Variants in RBM19 observed in about 807,000 individuals in gnomAD.
RBM19 encodes the protein RNA binding motif protein 19, also known as probable RNA-binding protein 19.
A neutral mutation model predicts 116.8 loss-of-function variants in RBM19; 94 were observed. That is an observed-to-expected ratio of 0.80 (90% CI 0.68 to 0.95). The LOEUF is 0.95. RBM19 is among the 40% of genes least tolerant of loss of function. The pLI is 0.00. For missense variants in RBM19, 1,161 were observed against 1,220.7 expected, an observed-to-expected ratio of 0.95 and a Z score of 0.73; for synonymous variants, 475 against 494.1, an observed-to-expected ratio of 0.96 and a Z score of 0.51.
rs556132560 is a variant in RBM19 at position 113,890,248 on chromosome 12, T to C, written c.2558+24721A>G. 5.5e-3 allele frequency among the ~76,000 whole-genome samples: 844 copies of C among 152,376 alleles called. 8 individuals carry two copies. Among genetic ancestry groups the C allele is most frequent in the African/African-American group, 0.019 (804 of 41,586 alleles). ...CTAATGATTCTGGGGCTGCCGGAGC[T>C]GAGCCAGGCTGGCTCTGGGCCGTGA... On this transcript the variant is annotated intron_variant, in intron 21 of 23. Transcript: ENST00000261741.
chr12:113,819,826 C>T (rs1874298593), downstream of RBM19, among the ~76,000 whole-genome samples: 2 of 152,336 alleles, frequency 1.3e-5, no homozygotes, highest in South Asian at 2.1e-4. Flanking sequence ...CTGGGCCAGG[C>T]AAATGACTTT....
chr12:113,936,283 G>T (rs1238403711), intron 16 of RBM19, among the ~76,000 whole-genome samples: 2 of 152,168 alleles, frequency 1.3e-5, no homozygotes, highest in Non-Finnish European at 2.9e-5. Context: ...GAATGACCAT[G>T]GTCCTGTTGG....
At chr12:113,895,008 T>C (rs935181339) in intron 21 of RBM19, among the ~76,000 whole-genome samples, 2 of 152,210 alleles carry the variant, frequency 1.3e-5, no homozygotes, top group Non-Finnish European at 2.9e-5. Flanking sequence ...GAGAACCACT[T>C]AGGCCAGCAG....
At chr12:113,868,336 A>T (rs947560492) in intron 21 of RBM19, among the ~76,000 whole-genome samples, 1 of 152,334 alleles carries the variant, frequency 6.6e-6, no homozygotes, top group Admixed American at 6.5e-5. Context: ...TGAAGGGGGA[A>T]CCCTGTCTGC....
intron 23 of RBM19, among the ~76,000 whole-genome samples, chr12:113,839,779 A>G (rs1206441091): frequency 6.6e-6 from 1 of 152,234 alleles, no homozygotes; most frequent in Non-Finnish European, 1.5e-5. Flanking sequence ...ATGAGAAAAC[A>G]GAAGCTCACA....
chr12:113,928,791 C>G (rs10850239), intron 16 of RBM19, among the ~76,000 whole-genome samples: 101,770 of 151,726 alleles, frequency 0.67, 34,958 homozygotes, highest in East Asian at 0.98. Flanking sequence ...ATGATCTTTT[C>G]AGAAATCTTA....
rs138881827 is a variant in RBM19 at position 113,926,496 on chromosome 12, C to T, written c.2244+558G>A. Among the ~76,000 whole-genome samples the T allele has an allele frequency of 8.8e-3, 1,333 of 152,302 alleles. 6 individuals carry two copies. Among genetic ancestry groups the T allele is most frequent in the South Asian group, 0.014 (69 of 4,824 alleles). ...CCCACTCCTTTGGAACTGGAGGCCC[C>T]GTTGTTTCCTGATCGCTGGTCCACT... is the stretch of plus-strand genomic sequence containing the variant. On this transcript the variant is annotated intron_variant, in intron 17 of 23. Coordinates refer to ENST00000261741, the MANE Select transcript of RBM19 (RefSeq NM_016196.4).
chr12:113,933,508 C>CACA (rs1869797320), intron 16 of RBM19, among the ~76,000 whole-genome samples: 1 of 150,982 alleles, frequency 6.6e-6, no homozygotes, highest in African/African-American at 2.5e-5. Flanking sequence ...CACAGACACG[C>CACA]ACAACTTCCC....
At chr12:113,907,864 T>C (rs1243562705) in intron 21 of RBM19, among the ~76,000 whole-genome samples, 4 of 152,086 alleles carry the variant, frequency 2.6e-5, no homozygotes, top group African/African-American at 9.7e-5. Flanking sequence ...ATGGATGAGG[T>C]TGCAAGCTCT....
chr12:113,927,226 G>C lies in RBM19; in HGVS notation c.2072C>G (p.Pro691Arg). 6.4e-7 allele frequency: 1 copy of C among 1,555,474 alleles called. No homozygotes were observed. Among genetic ancestry groups the C allele is most frequent in the Middle Eastern group, 1.7e-4 (1 of 5,986 alleles). Residue 691 changes from proline to arginine, a missense_variant, in exon 17 of 24, where the codon CCT (proline) becomes CGT (arginine). Coordinates refer to ENST00000261741, the MANE Select transcript of RBM19 (RefSeq NM_016196.4). Reference protein sequence around the residue: ...EKDPAEPETVPDGETPEDENP... With the variant: ...EKDPAEPETVRDGETPEDENP... The stretch of plus-strand genomic sequence containing the variant: ...TTCATCTTCTGGGGTTTCGCCATCA[G>C]GCACTGAACCCCCATCAAAACAAAA...
At chr12:113,821,203 A>G (rs1428040622), downstream of RBM19, among the ~76,000 whole-genome samples, 1 of 152,162 alleles carries the variant, frequency 6.6e-6, no homozygotes, top group East Asian at 1.9e-4. Context: ...CAAGCCCTGG[A>G]TGATGCTGAA....
chr12:113,821,772 A>G (rs1238260870), downstream of RBM19, among the ~76,000 whole-genome samples: 1 of 152,200 alleles, frequency 6.6e-6, no homozygotes, highest in Non-Finnish European at 1.5e-5. Flanking sequence ...CGGCTGGGGA[A>G]CGAGCCATTC....
chr12:113,919,116 C>T (rs572827434), intron 19 of RBM19, among the ~76,000 whole-genome samples: 86 of 152,290 alleles, frequency 5.6e-4, no homozygotes, highest in African/African-American at 2.0e-3. Context: ...GAGTACACAG[C>T]CCCTGACCAG....
At chr12:113,930,001 G>T (rs546884914) in intron 16 of RBM19, among the ~76,000 whole-genome samples, 2 of 152,380 alleles carry the variant, frequency 1.3e-5, no homozygotes, top group South Asian at 2.1e-4. Context: ...CCAATTGACG[G>T]AAAGGTCAAC....
chr12:113,836,675 G>A (rs1253999798), intron 23 of RBM19, among the ~76,000 whole-genome samples: 4 of 152,008 alleles, frequency 2.6e-5, no homozygotes, highest in African/African-American at 9.7e-5. Context: ...CATGGCACCT[G>A]GGCACTAATA....
In RBM19 at chr12:113,898,091, T is replaced by C. The variant is rs956674037; in HGVS notation, c.2558+16878A>G. 3.9e-5 allele frequency among the ~76,000 whole-genome samples: 6 copies of C among 152,140 alleles called. No homozygotes were observed. Among genetic ancestry groups the C allele is most frequent in the Admixed American group, 6.5e-5 (1 of 15,274 alleles). On this transcript the variant is annotated intron_variant, in intron 21 of 23. Transcript: ENST00000261741. This position sits in a 1 kb window ranked among gnomAD's most constrained non-coding sequence, Gnocchi z 4.3. ...TGAACCTGACAGGTATCCTGGAACC[T>C]GAAATTTGGACTAAAGTAAGAGTCC... is the stretch of plus-strand genomic sequence containing the variant.
chr12:113,884,120 A>AAAAACAAAC (rs1555235360), intron 21 of RBM19, among the ~76,000 whole-genome samples: 4 of 145,768 alleles, frequency 2.7e-5, no homozygotes, highest in Non-Finnish European at 4.5e-5. Context: ...ACCAAAAAAA[A>AAAAACAAAC]AAAAAAACAA....
chr12:113,866,802 G>A (rs910016291), intron 21 of RBM19, among the ~76,000 whole-genome samples: 2 of 152,196 alleles, frequency 1.3e-5, no homozygotes, highest in Non-Finnish European at 2.9e-5. Flanking sequence ...GTGGACATCT[G>A]GGCCCAGGAC....
At chr12:113,866,452 A>T (rs890263068) in intron 21 of RBM19, among the ~76,000 whole-genome samples, 5 of 152,196 alleles carry the variant, frequency 3.3e-5, no homozygotes, top group Non-Finnish European at 7.3e-5. Flanking sequence ...TCTAAATCAG[A>T]GTCAGGGCCT....
Sources: allele counts gnomAD v4.1 joint callset (sites outside exome capture counted in the v4.1 genomes callset), GRCh38; gene constraint gnomAD v4.1.1; non-coding constraint Gnocchi (gnomAD v3.1); transcripts MANE v1.5; gene names NCBI Gene and HGNC (gene_info 2026-07-23, HGNC 2026-07-21).